Variants in NAV3 observed in about 807,000 individuals in gnomAD.
NAV3 encodes neuron navigator 3.
Under a neutral mutation model 244.7 loss-of-function variants are expected in NAV3, and 87 were observed. That is an observed-to-expected ratio of 0.36 (90% CI 0.30 to 0.42). The LOEUF (loss-of-function observed/expected upper bound fraction) is 0.42. Ranked by LOEUF, NAV3 falls within the 20% of genes least tolerant of loss-of-function variation. The pLI is 1.00. For synonymous variants in NAV3, 1,126 were observed against 1,042.2 expected, an observed-to-expected ratio of 1.08 and a Z score of -1.55; for missense variants, 2,663 against 2,893.3, an observed-to-expected ratio of 0.92 and a Z score of 1.83.
intron 1 of NAV3, among the ~76,000 whole-genome samples, chr12:77,862,063 A>G (rs1434074604): frequency 6.6e-6 from 1 of 151,822 alleles, no homozygotes; most frequent in African/African-American, 2.4e-5. Context: ...AATTTTTCCA[A>G]TAGATAATAT....
chr12:78,064,426 T>TGCCTGC (rs1555273019), intron 12 of NAV3, among the ~76,000 whole-genome samples: 188 of 136,288 alleles, frequency 1.4e-3, no homozygotes, highest in African/African-American at 4.7e-3. Context: ...TGTCTGTCTG[T>TGCCTGC]CTGCCTGCCT....
At chr12:77,739,011 CAAAAA>C (rs1168641355) in intron 2 of NAV3, among the ~76,000 whole-genome samples, 2 of 64,068 alleles carry the variant, frequency 3.1e-5, no homozygotes, top group Non-Finnish European at 5.3e-5. Flanking sequence ...GACTCCGTCT[CAAAAA>C]AAAAAAAAAA....
At chr12:77,615,508 T>C (rs1342064180) in intron 2 of NAV3, among the ~76,000 whole-genome samples, 1 of 152,306 alleles carries the variant, frequency 6.6e-6, no homozygotes, top group South Asian at 2.1e-4. Flanking sequence ...CATAGGATAA[T>C]GATCTCCAGC....
At chr12:77,810,781 C>T (rs1017661332) in intron 2 of NAV3, among the ~76,000 whole-genome samples, 2 of 152,050 alleles carry the variant, frequency 1.3e-5, no homozygotes, top group Non-Finnish European at 2.9e-5. Flanking sequence ...ATATTTCTGC[C>T]TAACCACTTT....
At chr12:77,687,205 A>G (rs1041845141) in intron 2 of NAV3, among the ~76,000 whole-genome samples, 1 of 152,144 alleles carries the variant, frequency 6.6e-6, no homozygotes, top group African/African-American at 2.4e-5. Context: ...GTTGTGCAGC[A>G]TTCTCTCCTT....
chr12:77,758,004 G>A (rs374456507), intron 2 of NAV3, among the ~76,000 whole-genome samples: 4 of 152,082 alleles, frequency 2.6e-5, no homozygotes, highest in African/African-American at 9.7e-5. Context: ...TGCTTACTTT[G>A]CTTCAACTAC....
intron 1 of NAV3, among the ~76,000 whole-genome samples, chr12:77,847,729 TA>T (rs1478707601): frequency 2.0e-4 from 30 of 152,336 alleles, no homozygotes; most frequent in African/African-American, 6.7e-4. Flanking sequence ...TTAAATTTCA[TA>T]TTTCAAGGAC....
At chr12:77,980,409 A>G (rs936459617) in intron 5 of NAV3, among the ~76,000 whole-genome samples, 4 of 152,190 alleles carry the variant, frequency 2.6e-5, no homozygotes, top group African/African-American at 7.2e-5. Context: ...CTTTATAGAT[A>G]TTCATCTTTT....
intron 2 of NAV3, among the ~76,000 whole-genome samples, chr12:77,608,198 C>A (rs980998781): frequency 6.6e-6 from 1 of 152,008 alleles, no homozygotes. Context: ...TATATTACTT[C>A]CATAAAATCC....
In NAV3 at chr12:77,831,531, C is replaced by A. The variant is rs2136075743; in HGVS notation, c.70C>A (p.Leu24Ile). 2 of 1,614,086 alleles carry A rather than the reference C, an allele frequency of 1.2e-6. No individual in the cohort carries two copies. Among genetic ancestry groups the A allele is most frequent in the South Asian group, 1.1e-5 (1 of 91,066 alleles). ...AVGSKPVHTA[L>I]PIPNLGTTGS... ...TGGGTCAAAGCCTGTGCATACTGCT[C>A]TTCCGATACCAAATCTTGGCACTAC... is the stretch of plus-strand genomic sequence containing the variant. The change falls in exon 1 of 40, where the codon CTT becomes ATT. Residue 24 changes from leucine to isoleucine, a missense_variant. By Grantham distance (5) the Leu-to-Ile change is conservative. Around this residue, in one of 6 missense-constraint regions of NAV3, gnomAD observed 1,521 missense variants for 1,497.0 expected, o/e 1.02. Transcript: ENST00000397909.
intron 22 of NAV3, among the ~76,000 whole-genome samples, chr12:78,155,205 G>A (rs1029535847): frequency 1.3e-5 from 2 of 151,936 alleles, no homozygotes; most frequent in African/African-American, 4.8e-5. Flanking sequence ...CCTAGTGTGT[G>A]TTGTTCCCCA....
chr12:77,850,088 AAT>A (rs1565855012), intron 1 of NAV3, among the ~76,000 whole-genome samples: 1 of 152,214 alleles, frequency 6.6e-6, no homozygotes, highest in Admixed American at 6.5e-5. Flanking sequence ...TAGAAAAATA[AAT>A]ATGTCTTTAA....
At chr12:77,589,024 T>C (rs995865490) in intron 2 of NAV3, among the ~76,000 whole-genome samples, 1 of 152,094 alleles carries the variant, frequency 6.6e-6, no homozygotes, top group Non-Finnish European at 1.5e-5. Flanking sequence ...TAAAGTGTTA[T>C]AGAAGCTTCA....
At chr12:77,784,514 T>G (rs1024464609) in intron 2 of NAV3, among the ~76,000 whole-genome samples, 2 of 152,176 alleles carry the variant, frequency 1.3e-5, no homozygotes, top group African/African-American at 4.8e-5. Context: ...CTGGGAGAGA[T>G]ATTTTAGAAG....
At chr12:77,721,820 G>C (rs1278967912) in intron 2 of NAV3, among the ~76,000 whole-genome samples, 2 of 152,032 alleles carry the variant, frequency 1.3e-5, no homozygotes, top group African/African-American at 4.8e-5. Context: ...TAATTTGTGG[G>C]AGGTAAAATA....
chr12:78,073,800 G>A (rs946631119), intron 12 of NAV3, among the ~76,000 whole-genome samples: 1 of 152,028 alleles, frequency 6.6e-6, no homozygotes, highest in Admixed American at 6.5e-5. Flanking sequence ...ATACTACAAG[G>A]CTACAGTAAC....
chr12:77,953,339 A>C (rs1891075171), intron 3 of NAV3, among the ~76,000 whole-genome samples: 1 of 152,154 alleles, frequency 6.6e-6, no homozygotes, highest in South Asian at 2.1e-4. Context: ...TATTAGGAAG[A>C]GTATGTTTAC....
chr12:77,870,149 G>A (rs1453643901), intron 1 of NAV3, among the ~76,000 whole-genome samples: 1 of 152,106 alleles, frequency 6.6e-6, no homozygotes, highest in African/African-American at 2.4e-5. Flanking sequence ...GGTGGATCAT[G>A]AGGCCAAGAG....
At chr12:77,705,424 C>T (rs960043039) in intron 2 of NAV3, among the ~76,000 whole-genome samples, 2 of 151,284 alleles carry the variant, frequency 1.3e-5, no homozygotes, top group African/African-American at 4.9e-5. Context: ...ACAAACAAAA[C>T]TATCTCAGAC....
Sources: gnomAD v4.1 joint callset for allele counts (sites outside exome capture counted in the v4.1 genomes callset) on GRCh38, gnomAD v4.1.1 for gene constraint, gnomAD v4.1.1 regional missense constraint, MANE v1.5 for transcripts, NCBI Gene and HGNC (gene_info 2026-07-23, HGNC 2026-07-21) for gene names.